Variants in CRTC3 observed in about 807,000 individuals in gnomAD.
The protein encoded by CRTC3 is CREB-regulated transcription coactivator 3.
In CRTC3, 26 loss-of-function variants were observed where a neutral mutation model predicts 74.5. The observed-to-expected ratio is 0.35, with a 90% CI of 0.26 to 0.48. The LOEUF (loss-of-function observed/expected upper bound fraction) is 0.48. Ranked by LOEUF, CRTC3 falls within the 20% of genes least tolerant of loss-of-function variation. The pLI is 0.99. For missense variants in CRTC3, 760 were observed against 787.3 expected (o/e 0.97, Z 0.41); for synonymous variants, 377 against 325.8 (o/e 1.16, Z -1.69).
intron 6 of CRTC3, among the ~76,000 whole-genome samples, chr15:90,609,527 C>G (rs921660065): frequency 6.6e-6 from 1 of 152,220 alleles, no homozygotes; most frequent in African/African-American, 2.4e-5. Flanking sequence ...TCTGCCGATC[C>G]TTCATTTACA....
chr15:90,545,179 CT>C (rs947701594), intron 2 of CRTC3, among the ~76,000 whole-genome samples: 36 of 152,202 alleles, frequency 2.4e-4, no homozygotes, highest in Admixed American at 1.9e-3. Flanking sequence ...ACATGATTTC[CT>C]TCCTTTTCAA....
chr15:90,638,388 A>G (rs1969315065), intron 11 of CRTC3, 58 bp from the exon 12 acceptor site: 1 of 1,450,036 alleles, frequency 6.9e-7, no homozygotes, highest in Admixed American at 1.7e-5. Flanking sequence ...CTAATCCTAA[A>G]GGACTTAACG....
chr15:90,596,586 T>C (rs1967932847), intron 3 of CRTC3: 3 of 152,212 alleles, frequency 2.0e-5, no homozygotes, highest in Non-Finnish European at 4.4e-5. Flanking sequence ...TGGACATCGG[T>C]TGATGCAAAG....
chr15:90,593,805 A>C, intron 3 of CRTC3, 50 bp downstream of exon 3: 2 of 1,547,516 alleles, frequency 1.3e-6, no homozygotes, highest in Non-Finnish European at 1.8e-6. Flanking sequence ...AATGTTTGAA[A>C]AGTTTTCAGG....
At chr15:90,598,268 C>A in intron 3 of CRTC3, 1 of 598,434 alleles carries the variant, frequency 1.7e-6, no homozygotes, top group Non-Finnish European at 3.0e-6. Flanking sequence ...GGCCTGCTCA[C>A]CCAGCCGCAG....
chr15:90,585,876 C>T (rs6496696), intron 2 of CRTC3, among the ~76,000 whole-genome samples: 102,235 of 152,062 alleles, frequency 0.67, 34,587 homozygotes, highest in South Asian at 0.84. Flanking sequence ...TCCTTTCTAA[C>T]TGCTGTCCTC....
At chr15:90,584,301 G>C (rs553303577) in intron 2 of CRTC3, among the ~76,000 whole-genome samples, 1 of 147,796 alleles carries the variant, frequency 6.8e-6, no homozygotes, top group East Asian at 2.0e-4. Context: ...GCAGTGGCAC[G>C]ATCTCAGCTC....
chr15:90,580,520 T>TG (rs1442185128), intron 2 of CRTC3, among the ~76,000 whole-genome samples: 1 of 151,790 alleles, frequency 6.6e-6, no homozygotes, highest in Non-Finnish European at 1.5e-5. Context: ...CTCTGCCTCC[T>TG]GGGTTCAAGC....
chr15:90,633,981 A>ATC (rs1387522271), intron 11 of CRTC3, among the ~76,000 whole-genome samples: 1 of 148,718 alleles, frequency 6.7e-6, no homozygotes, highest in Non-Finnish European at 1.5e-5. Context: ...ATCATCTTTT[A>ATC]TCTCTCAGGT....
chr15:90,617,542 T>G (rs1968525022), intron 7 of CRTC3, among the ~76,000 whole-genome samples: 2 of 152,150 alleles, frequency 1.3e-5, no homozygotes, highest in Admixed American at 1.3e-4. Flanking sequence ...TTGTCTTTGT[T>G]TTTTTGGGAC....
At chr15:90,619,689 C>G in intron 8 of CRTC3, 52 bp from the exon 9 acceptor site, 1 of 1,552,310 alleles carries the variant, frequency 6.4e-7, no homozygotes, top group East Asian at 2.2e-5. Context: ...TTTTCAAAAA[C>G]TTGAATTTGG....
chr15:90,557,693 G>A (rs1276361586), intron 2 of CRTC3, among the ~76,000 whole-genome samples: 1 of 152,112 alleles, frequency 6.6e-6, no homozygotes, highest in African/African-American at 2.4e-5. Context: ...GTCTCCTGGG[G>A]CCACTTGAAC....
chr15:90,614,909 C>T (rs913459226), intron 7 of CRTC3, among the ~76,000 whole-genome samples: 3 of 151,874 alleles, frequency 2.0e-5, no homozygotes, highest in South Asian at 2.1e-4. Flanking sequence ...ACTAAAAATA[C>T]AAAAATTAGC....
At chr15:90,612,465 G>A (rs1246868030) in intron 6 of CRTC3, among the ~76,000 whole-genome samples, 1 of 151,970 alleles carries the variant, frequency 6.6e-6, no homozygotes, top group African/African-American at 2.4e-5. Context: ...TAATGGGGCT[G>A]TCACATGGGG....
chr15:90,602,140 G>A (rs551553155), intron 3 of CRTC3, among the ~76,000 whole-genome samples, 184 bp from the exon 4 acceptor site: 1 of 152,152 alleles, frequency 6.6e-6, no homozygotes, highest in South Asian at 2.1e-4. Flanking sequence ...AGAAAACACC[G>A]GTTAGAAGAC....
chr15:90,533,167 G>C (rs1366786426), intron 1 of CRTC3, among the ~76,000 whole-genome samples: 1 of 146,920 alleles, frequency 6.8e-6, no homozygotes, highest in African/African-American at 2.5e-5. Flanking sequence ...ACTTTGGAAG[G>C]CCGAGGCGGG....
chr15:90,562,679 A>G (rs1354281352), intron 2 of CRTC3, among the ~76,000 whole-genome samples: 1 of 152,000 alleles, frequency 6.6e-6, no homozygotes, highest in African/African-American at 2.4e-5. Context: ...TCCAAATCAA[A>G]CTTTCCTTCC....
intron 6 of CRTC3, among the ~76,000 whole-genome samples, chr15:90,612,315 C>T (rs747605403): frequency 7.9e-5 from 12 of 151,980 alleles, no homozygotes; most frequent in Non-Finnish European, 5.9e-5. Context: ...CTGTGTAAAG[C>T]GCCTGGCACA....
chr15:90,597,562 G>GC (rs944227021), intron 3 of CRTC3, among the ~76,000 whole-genome samples: 1 of 152,094 alleles, frequency 6.6e-6, no homozygotes, highest in African/African-American at 2.4e-5. Context: ...GAGATGCATG[G>GC]CCTATTACAT....
Sources: gnomAD v4.1 joint callset for allele counts (sites outside exome capture counted in the v4.1 genomes callset) on GRCh38, gnomAD v4.1.1 for gene constraint, MANE v1.5 for transcripts, NCBI Gene and HGNC (gene_info 2026-07-23, HGNC 2026-07-21) for gene names.